Variants in DOCK10 observed in about 807,000 individuals in gnomAD.
DOCK10 encodes the protein dedicator of cytokinesis protein 10.
DOCK10 carries 145 observed loss-of-function variants against 280.1 expected under a neutral mutation model. The ratio of observed to expected loss-of-function variants is 0.52; its 90% CI spans 0.45 to 0.59. DOCK10 has a LOEUF of 0.59. Ranked by LOEUF, DOCK10 falls within the 20% of genes least tolerant of loss-of-function variation. The pLI, the probability that DOCK10 is intolerant of heterozygous loss-of-function variation, is 0.00. For missense variants in DOCK10, 2,368 were observed against 2,651.7 expected (o/e 0.89, Z 2.35); for synonymous variants, 915 against 942.2 (o/e 0.97, Z 0.53).
At chr2:224,957,322 A>C (rs1704109186) in intron 1 of DOCK10, among the ~76,000 whole-genome samples, 4 of 133,098 alleles carry the variant, frequency 3.0e-5, no homozygotes, top group Admixed American at 8.2e-5. Flanking sequence ...ATGGGGTCTC[A>C]CTCTGCCACC....
chr2:224,908,412 CGTTTGTGTGT>C (rs1265104918), intron 3 of DOCK10, among the ~76,000 whole-genome samples: 11 of 79,294 alleles, frequency 1.4e-4, no homozygotes, highest in African/African-American at 6.5e-4. Flanking sequence ...TAATCATCAT[CGTTTGTGTGT>C]GTGTGTGTGT....
rs979892336 is a variant in DOCK10, at chr2:224,797,855, A to T, written c.4621T>A (p.Ser1541Thr). Residue 1541 changes from serine to threonine, a missense_variant, in exon 42 of 56, where the codon TCC becomes ACC. By Grantham distance (58) the Ser-to-Thr change is moderately conservative. Around this residue, in one of 2 missense-constraint regions of DOCK10, gnomAD observed 1,159 missense variants for 1,400.8 expected, o/e 0.83. Transcript: ENST00000258390. ...SATALKHVFA[S>T]LRLFVCKFPS... ...ACCTTGCATACAAACAGTCTCAAGG[A>T]GGCAAACACATGCTTCAGCGCTGTG... 6.2e-7 allele frequency: 1 copy of T among 1,613,808 alleles called. No homozygotes were observed. The highest frequency in any genetic ancestry group is 8.5e-7 in the Non-Finnish European group (1 of 1,179,776).
intron 16 of DOCK10, among the ~76,000 whole-genome samples, chr2:224,854,235 AC>A (rs1696952736): frequency 1.3e-5 from 2 of 150,216 alleles, no homozygotes; most frequent in East Asian, 3.9e-4. Context: ...TTTTTTTTTC[AC>A]ATTGCTGAAA....
intron 15 of DOCK10, among the ~76,000 whole-genome samples, chr2:224,856,430 A>G (rs1697150502): frequency 6.6e-6 from 1 of 152,176 alleles, no homozygotes; most frequent in Admixed American, 6.5e-5. Flanking sequence ...AGCCTATGGT[A>G]TGGATTTTGG....
At chr2:224,789,682 G>A (rs1028469255) in intron 47 of DOCK10, among the ~76,000 whole-genome samples, 1 of 152,158 alleles carries the variant, frequency 6.6e-6, no homozygotes, top group Non-Finnish European at 1.5e-5. Flanking sequence ...TGGGGCTGGA[G>A]TGAGCTATCA....
chr2:224,911,391 G>T (rs1427690582), intron 3 of DOCK10, among the ~76,000 whole-genome samples: 1 of 152,214 alleles, frequency 6.6e-6, no homozygotes, highest in Non-Finnish European at 1.5e-5. Context: ...TGAAGCACAA[G>T]CAAAACTGAA....
intron 1 of DOCK10, among the ~76,000 whole-genome samples, chr2:224,994,932 T>C (rs1200555727): frequency 1.3e-5 from 2 of 152,252 alleles, no homozygotes; most frequent in African/African-American, 4.8e-5. Flanking sequence ...CATAGATGTG[T>C]AGTTCTGGCT....
chr2:224,804,343 A>T, intron 38 of DOCK10, 130 bp from the exon 39 acceptor site: 1 of 560,580 alleles, frequency 1.8e-6, no homozygotes, highest in Non-Finnish European at 3.1e-6. Context: ...CAAAAATAAA[A>T]CCCTGTTTTC....
intron 1 of DOCK10, among the ~76,000 whole-genome samples, chr2:225,000,906 G>A (rs911788817): frequency 2.6e-5 from 4 of 152,186 alleles, no homozygotes; most frequent in African/African-American, 7.2e-5. Flanking sequence ...AACTGAGGAC[G>A]CAGAGGTTGC....
intron 1 of DOCK10, among the ~76,000 whole-genome samples, chr2:225,020,240 G>A (rs543844412): frequency 1.3e-5 from 2 of 151,946 alleles, no homozygotes; most frequent in South Asian, 2.1e-4. Context: ...AAAGGGCATC[G>A]TACCTATTAT....
intron 11 of DOCK10, among the ~76,000 whole-genome samples, chr2:224,869,286 A>C (rs1446989929): frequency 6.6e-6 from 1 of 152,204 alleles, no homozygotes; most frequent in African/African-American, 2.4e-5. Context: ...CAATTTACTG[A>C]CTAAAAAATT....
chr2:224,954,077 G>A (rs1703914083), intron 1 of DOCK10, among the ~76,000 whole-genome samples: 1 of 152,132 alleles, frequency 6.6e-6, no homozygotes, highest in Non-Finnish European at 1.5e-5. Context: ...CTTTCAGACA[G>A]GTATAAAGTT....
chr2:224,857,081 A>G (rs1697197861), intron 14 of DOCK10, 99 bp from the exon 15 acceptor site: 1 of 989,728 alleles, frequency 1.0e-6, no homozygotes, highest in Admixed American at 3.6e-5. Context: ...TTATAATCAG[A>G]GAAACTCTAA....
At chr2:224,976,176 T>C (rs1041598138) in intron 1 of DOCK10, among the ~76,000 whole-genome samples, 10 of 151,206 alleles carry the variant, frequency 6.6e-5, no homozygotes, top group Admixed American at 4.0e-4. Context: ...TAAGTGGGAG[T>C]TGAACAATGA....
chr2:224,844,890 A>T (rs1001581599), intron 21 of DOCK10, 51 bp from the exon 22 acceptor site: 1 of 1,258,896 alleles, frequency 7.9e-7, no homozygotes, highest in Non-Finnish European at 1.1e-6. Flanking sequence ...AGAGAAAGAA[A>T]ATAAATAGAT....
In DOCK10 at chr2:224,921,104, AAAAAAAAAAT is replaced by A. The variant is rs1317295554; in HGVS notation, c.244-4330_244-4321del. ...ACACCGTCTCTATTAAAAAAAAAAA[AAAAAAAAAAT>A]ATATATATATATATATATATAATGT... On this transcript the variant is annotated intron_variant, in intron 2 of 55. Transcript: ENST00000258390. Among the ~76,000 whole-genome samples, 50 of 50,008 alleles carry A rather than the reference AAAAAAAAAAT, an allele frequency of 1.0e-3. 2 individuals are homozygous for A. The highest frequency in any genetic ancestry group is 4.6e-3 in the African/African-American group (40 of 8,632). 32.8% of individuals were successfully genotyped at this position (50,008 alleles called of 152,430 possible). A position where few individuals can be genotyped will look rare whatever the true frequency, so the allele number is the denominator to read the frequency against.
Position 224,864,786 on chromosome 2 carries a change from A to T in DOCK10, c.1479+80T>A, listed in dbSNP as rs539523614. 29 of 1,587,388 alleles carry T rather than the reference A, an allele frequency of 1.8e-5. No individual in the cohort carries two copies. In the South Asian group the frequency reaches 3.3e-4, roughly 18 times the overall value. ...CTTTAAGGGAATTTTTATTCAGGAA[A>T]TTGCTCATCTTATATGATCTATTGG... is the stretch of plus-strand genomic sequence containing the variant. On this transcript the variant is annotated intron_variant, in intron 12 of 55. Coordinates refer to ENST00000258390, the MANE Select transcript of DOCK10 (RefSeq NM_014689.3).
rs1692342094 is a variant in DOCK10 at position 224,793,395 on chromosome 2, C to CT, written c.5212+4dup. The CT allele has an allele frequency of 6.2e-7, 1 of 1,612,602 alleles. No homozygotes were observed. The highest frequency in any genetic ancestry group is 8.5e-7 in the Non-Finnish European group (1 of 1,179,148). The stretch of plus-strand genomic sequence containing the variant: ...CTTTTTGCCTCCCTCATGTGGTCAT[C>CT]TTACCCTTTCTTTTCAGATACTCTG... On this transcript the variant is annotated splice_donor_region_variant and intron_variant, in intron 46 of 55. Coordinates refer to ENST00000258390, the MANE Select transcript of DOCK10 (RefSeq NM_014689.3).
At chr2:224,997,285 G>A (rs186180916) in intron 1 of DOCK10, among the ~76,000 whole-genome samples, 22 of 148,060 alleles carry the variant, frequency 1.5e-4, no homozygotes, top group African/African-American at 5.0e-4. Flanking sequence ...AGGCTGGAGT[G>A]CAATGGCATA....
Sources: allele counts gnomAD v4.1 joint callset (sites outside exome capture counted in the v4.1 genomes callset), GRCh38; gene constraint gnomAD v4.1.1; regional missense constraint gnomAD v4.1.1; transcripts MANE v1.5; gene names NCBI Gene and HGNC (gene_info 2026-07-23, HGNC 2026-07-21).